The following PPP1R12B variants were observed in gnomAD, a reference collection of about 807,000 sequenced individuals.
The protein encoded by PPP1R12B is protein phosphatase 1 regulatory subunit 12B.
A neutral mutation model predicts 126.1 loss-of-function variants in PPP1R12B; 76 were observed. The observed-to-expected ratio is 0.60, with a 90% CI of 0.50 to 0.73. The LOEUF (loss-of-function observed/expected upper bound fraction) is 0.73. PPP1R12B is among the 30% of genes least tolerant of loss of function. The probability of loss-of-function intolerance (pLI) is 0.00; values close to 1 mark genes in which losing one functional copy is unlikely to be tolerated. For synonymous variants in PPP1R12B, 356 were observed against 434.7 expected (o/e 0.82, Z 2.25); for missense variants, 1,052 against 1,205.1 (o/e 0.87, Z 1.88).
At chr1:202,524,734 G>GTA (rs762291136) in intron 18 of PPP1R12B, among the ~76,000 whole-genome samples, 2 of 152,128 alleles carry the variant, frequency 1.3e-5, no homozygotes, top group African/African-American at 2.4e-5. Context: ...CATGTTGTGT[G>GTA]TATATATATA....
chr1:202,408,554 T>C (rs1435893710), intron 1 of PPP1R12B, among the ~76,000 whole-genome samples: 1 of 152,234 alleles, frequency 6.6e-6, no homozygotes, highest in African/African-American at 2.4e-5. Context: ...ATTAGTTTCC[T>C]GTGGCTTCTG....
Position 202,489,570 on chromosome 1 carries a change from G to A in PPP1R12B, c.1941+947G>A, listed in dbSNP as rs1241062436. On this transcript the variant is annotated intron_variant, in intron 14 of 23. Coordinates refer to ENST00000608999, the MANE Select transcript of PPP1R12B (RefSeq NM_002481.4). Reference sequence around the variant, plus strand: ...ATGTTACAACATGGATGAACCTTAAGAAAACATTATGCTAAGTGAAAGAAG... The same window carrying A: ...ATGTTACAACATGGATGAACCTTAAAAAAACATTATGCTAAGTGAAAGAAG... Among the ~76,000 whole-genome samples the A allele has an allele frequency of 2.0e-5, 3 of 152,154 alleles. No homozygotes were observed. The East Asian group carries it at 5.8e-4, about 29-fold the overall frequency.
chr1:202,373,960 ATTAATT>A (rs1350680944), intron 1 of PPP1R12B, among the ~76,000 whole-genome samples: 1 of 152,194 alleles, frequency 6.6e-6, no homozygotes, highest in African/African-American at 2.4e-5. Flanking sequence ...AAGAAGGTAT[ATTAATT>A]TTTTGATACC....
In PPP1R12B at chr1:202,565,753, A is replaced by G. The variant is rs560005802; in HGVS notation, c.2757+1206A>G. ...CTGAGACTTACTGCAACACAAATAG[A>G]TAATAACTAGGCTTAAAGTGATTTT... is the stretch of plus-strand genomic sequence containing the variant. On this transcript the variant is annotated intron_variant, in intron 21 of 23. Transcript: ENST00000608999. This position sits in a 1 kb window ranked among gnomAD's most constrained non-coding sequence, Gnocchi z 4.3. 3.9e-5 allele frequency among the ~76,000 whole-genome samples: 6 copies of G among 152,336 alleles called. No individual in the cohort carries two copies. The South Asian group carries it at 6.2e-4, about 16-fold the overall frequency.
intron 18 of PPP1R12B, among the ~76,000 whole-genome samples, chr1:202,540,751 T>G (rs1384910744): frequency 1.3e-5 from 2 of 152,228 alleles, no homozygotes; most frequent in African/African-American, 2.4e-5. Flanking sequence ...ATTTTGTATG[T>G]CTGTCTGTGA....
chr1:202,491,035 A>G (rs1306997882), intron 14 of PPP1R12B, among the ~76,000 whole-genome samples: 2 of 152,208 alleles, frequency 1.3e-5, no homozygotes, highest in African/African-American at 4.8e-5. Context: ...AGGAACTGCC[A>G]TACTGTTTTC....
intron 23 of PPP1R12B, among the ~76,000 whole-genome samples, chr1:202,578,628 T>G (rs986226169): frequency 6.6e-6 from 1 of 152,200 alleles, no homozygotes; most frequent in Non-Finnish European, 1.5e-5. Flanking sequence ...TGCAGATTAT[T>G]TGCCTGCCCT....
intron 3 of PPP1R12B, among the ~76,000 whole-genome samples, chr1:202,423,340 A>G (rs1228058037): frequency 6.6e-6 from 1 of 152,088 alleles, no homozygotes; most frequent in Non-Finnish European, 1.5e-5. Context: ...CAAGATTTGT[A>G]GTGATTTTTT....
intron 1 of PPP1R12B, among the ~76,000 whole-genome samples, chr1:202,406,326 C>G (rs1666597373): frequency 6.6e-6 from 1 of 152,212 alleles, no homozygotes; most frequent in African/African-American, 2.4e-5. Flanking sequence ...GTAACCAAAG[C>G]ACTTTAATGA....
chr1:202,574,494 C>G (rs945236657), intron 23 of PPP1R12B, among the ~76,000 whole-genome samples: 2 of 152,052 alleles, frequency 1.3e-5, no homozygotes, highest in Non-Finnish European at 2.9e-5. Flanking sequence ...CAGAGTCGGA[C>G]CCTATCTCAG....
Position 202,581,499 on chromosome 1 carries a change from A to T in PPP1R12B, c.*939A>T. ...CCCCCTTCAAAGTGATTTTCTTTAT[A>T]AGAAAATTTGGGCTCTGAATACTCC... On this transcript the variant is annotated 3_prime_UTR_variant, in exon 24 of 24. Coordinates refer to ENST00000608999, the MANE Select transcript of PPP1R12B (RefSeq NM_002481.4). 1 of 152,180 alleles carries T rather than the reference A, an allele frequency of 6.6e-6. No homozygotes were observed. The highest frequency in any genetic ancestry group is 1.9e-4 in the East Asian group (1 of 5,186). The allele number at this position is 152,180 out of a possible 1,614,324, so 9.4% of individuals were successfully genotyped here.
At chr1:202,420,679 A>G (rs1668623792) in intron 2 of PPP1R12B, among the ~76,000 whole-genome samples, 1 of 152,150 alleles carries the variant, frequency 6.6e-6, no homozygotes, top group Non-Finnish European at 1.5e-5. Flanking sequence ...GAATATGTGG[A>G]AATGAAGGGT....
At chr1:202,417,103 A>G (rs1421328013) in intron 2 of PPP1R12B, among the ~76,000 whole-genome samples, 186 bp downstream of exon 2, 2 of 152,236 alleles carry the variant, frequency 1.3e-5, no homozygotes, top group African/African-American at 2.4e-5. Flanking sequence ...TGCTAAATCC[A>G]TAGTTTTTTA....
rs187178663 is a variant in PPP1R12B at position 202,468,513 on chromosome 1, T to C, written c.1850+19342T>C. Among the ~76,000 whole-genome samples, 418 of 152,344 alleles carry C rather than the reference T, an allele frequency of 2.7e-3. 8 individuals are homozygous for C. The highest frequency in any genetic ancestry group is 7.4e-4 in the Non-Finnish European group (50 of 68,016). ...CTGCCCAGATCATCCCCTTGCAACA[T>C]TTTATTCCTGATACTCCTCAGATTT... is the stretch of plus-strand genomic sequence containing the variant. On this transcript the variant is annotated intron_variant, in intron 13 of 23. Transcript: ENST00000608999.
chr1:202,549,066 A>G (rs1381855157), intron 18 of PPP1R12B, among the ~76,000 whole-genome samples: 6 of 152,090 alleles, frequency 3.9e-5, no homozygotes, highest in Non-Finnish European at 8.8e-5. Context: ...AACCTTGTGC[A>G]TTTGAAGACT....
chr1:202,579,283 G>T lies in PPP1R12B; in HGVS notation c.2863-1191G>T, dbSNP rs150970547. The stretch of plus-strand genomic sequence containing the variant: ...GATCTCCTAAGTGGTTAATAGCAGA[G>T]CCAGAGCTAGAACTAAATAGGCCTC... On this transcript the variant is annotated intron_variant, in intron 23 of 23. Coordinates refer to ENST00000608999, the MANE Select transcript of PPP1R12B (RefSeq NM_002481.4). 3.1e-3 allele frequency among the ~76,000 whole-genome samples: 467 copies of T among 152,312 alleles called. 3 individuals are homozygous for T. The highest frequency in any genetic ancestry group is 0.011 in the African/African-American group (449 of 41,572).
chr1:202,553,823 C>CT (rs959536369), intron 18 of PPP1R12B, among the ~76,000 whole-genome samples: 1 of 152,092 alleles, frequency 6.6e-6, no homozygotes, highest in Admixed American at 6.5e-5. Context: ...TTATGTTCTG[C>CT]TTGCCTCTTC....
chr1:202,365,655 T>G (rs1659090932), intron 1 of PPP1R12B, among the ~76,000 whole-genome samples: 1 of 152,186 alleles, frequency 6.6e-6, no homozygotes, highest in South Asian at 2.1e-4. Context: ...CAGAAGCTTT[T>G]AGTCTTCTAC....
chr1:202,459,981 A>G (rs1204847195), intron 13 of PPP1R12B, among the ~76,000 whole-genome samples: 1 of 152,232 alleles, frequency 6.6e-6, no homozygotes, highest in Admixed American at 6.5e-5. Context: ...CAGAAATACC[A>G]GGGCCAGGCA....
Sources: allele counts gnomAD v4.1 joint callset (sites outside exome capture counted in the v4.1 genomes callset), GRCh38; gene constraint gnomAD v4.1.1; non-coding constraint Gnocchi (gnomAD v3.1); transcripts MANE v1.5; gene names NCBI Gene and HGNC (gene_info 2026-07-23, HGNC 2026-07-21).